SMYD3: variants seen among roughly 807,000 people sequenced by gnomAD.
SMYD3 encodes the protein histone-lysine N-methyltransferase SMYD3.
SMYD3 carries 36 observed loss-of-function variants against 57.7 expected under a neutral mutation model. The observed-to-expected ratio is 0.62, with a 90% CI of 0.48 to 0.82. The LOEUF is 0.82. Among genes scored for constraint, SMYD3 ranks in the 40% least tolerant of loss-of-function variants. SMYD3 has a pLI of 0.00. For missense variants in SMYD3, 515 were observed against 538.8 expected (o/e 0.96, Z 0.44); for synonymous variants, 211 against 195.0 (o/e 1.08, Z -0.68).
chr1:246,154,438 G>A (rs1023190990), intron 5 of SMYD3, among the ~76,000 whole-genome samples: 6 of 152,102 alleles, frequency 3.9e-5, no homozygotes, highest in Admixed American at 2.6e-4. Context: ...CCCCGCTCAC[G>A]GCACAGAAGG....
intron 10 of SMYD3, among the ~76,000 whole-genome samples, chr1:245,793,965 T>C (rs2047413370): frequency 6.6e-6 from 1 of 152,236 alleles, no homozygotes; most frequent in Non-Finnish European, 1.5e-5. Context: ...GGTGCAGTTT[T>C]CTTCTTAAGC....
intron 5 of SMYD3, among the ~76,000 whole-genome samples, chr1:246,308,283 G>A (rs1305520373): frequency 6.6e-6 from 1 of 152,140 alleles, no homozygotes; most frequent in Non-Finnish European, 1.5e-5. Context: ...AATAGAGTCA[G>A]TACAAATTTG....
chr1:245,875,010 C>T lies in SMYD3; in HGVS notation c.814-11124G>A, dbSNP rs139067020. On this transcript the variant is annotated intron_variant, in intron 8 of 11. Coordinates refer to ENST00000490107, the MANE Select transcript of SMYD3 (RefSeq NM_001167740.2). ...CTACACAAAATCACCAGGACTTAGACGCTCCTGCAAGCAGCTCTGCAGCCA... is the reference window on the plus strand; with the variant it reads ...CTACACAAAATCACCAGGACTTAGATGCTCCTGCAAGCAGCTCTGCAGCCA... 2.4e-4 allele frequency among the ~76,000 whole-genome samples: 37 copies of T among 152,314 alleles called. 1 individual carries two copies. The highest frequency in any genetic ancestry group is 6.7e-4 in the African/African-American group (28 of 41,576).
chr1:246,330,250 C>T (rs76304769), intron 4 of SMYD3, among the ~76,000 whole-genome samples: 12 of 152,314 alleles, frequency 7.9e-5, no homozygotes, highest in African/African-American at 2.9e-4. Flanking sequence ...GGTTACACTA[C>T]CCCATGTAAC....
At chr1:246,124,229 T>C (rs932889758) in intron 5 of SMYD3, among the ~76,000 whole-genome samples, 2 of 152,204 alleles carry the variant, frequency 1.3e-5, no homozygotes, top group South Asian at 2.1e-4. Flanking sequence ...TTGTCACTAA[T>C]TGGCTGTGGA....
At chr1:246,421,346 TA>T in intron 1 of SMYD3, among the ~76,000 whole-genome samples, 2 of 152,086 alleles carry the variant, frequency 1.3e-5, no homozygotes, top group South Asian at 4.1e-4. Context: ...TGTAAACCAG[TA>T]AAAGTTACCA....
intron 10 of SMYD3, among the ~76,000 whole-genome samples, chr1:245,808,826 G>A (rs977824901): frequency 3.9e-5 from 6 of 151,950 alleles, no homozygotes; most frequent in African/African-American, 7.3e-5. Context: ...GCAATGGCAC[G>A]ATCTCAGCTC....
intron 5 of SMYD3, among the ~76,000 whole-genome samples, chr1:246,070,587 G>T (rs772508794): frequency 6.6e-6 from 1 of 152,158 alleles, no homozygotes; most frequent in Non-Finnish European, 1.5e-5. Context: ...GCCCCAAGAG[G>T]AGTCCTCCTC....
At chr1:245,943,736 A>G (rs901614575) in intron 5 of SMYD3, among the ~76,000 whole-genome samples, 7 of 152,202 alleles carry the variant, frequency 4.6e-5, no homozygotes, top group Admixed American at 1.3e-4. Flanking sequence ...ATCCTCAATA[A>G]AATACTGGCA....
intron 5 of SMYD3, among the ~76,000 whole-genome samples, chr1:245,944,225 C>T (rs1261386822): frequency 1.3e-5 from 2 of 151,970 alleles, no homozygotes; most frequent in African/African-American, 4.8e-5. Context: ...TAACATGATC[C>T]TATATCTAGA....
chr1:245,749,676 G>A lies in SMYD3; in HGVS notation c.1186-12C>T. ...ATAATATCAAAAGCCTAAAGAGAAA[G>A]GACGGAAGAGAGATTAGACCCCAAA... On this transcript the variant is annotated splice_polypyrimidine_tract_variant and intron_variant, in intron 11 of 11. Transcript: ENST00000490107. The A allele has an allele frequency of 6.2e-7, 1 of 1,608,942 alleles. No homozygotes were observed. Among genetic ancestry groups the A allele is most frequent in the Non-Finnish European group, 8.5e-7 (1 of 1,175,396 alleles).
intron 5 of SMYD3, among the ~76,000 whole-genome samples, chr1:246,027,052 G>A (rs755337425): frequency 6.6e-6 from 1 of 152,208 alleles, no homozygotes; most frequent in African/African-American, 2.4e-5. Context: ...TGAGTGATCT[G>A]GACAGAAGAT....
chr1:246,166,653 T>C (rs1165827309), intron 5 of SMYD3, among the ~76,000 whole-genome samples: 2 of 152,308 alleles, frequency 1.3e-5, no homozygotes, highest in Non-Finnish European at 2.9e-5. Flanking sequence ...CTCAAGATAA[T>C]GTTTGCCTAT....
chr1:245,944,371 A>G (rs2057364147), intron 5 of SMYD3, among the ~76,000 whole-genome samples: 1 of 152,212 alleles, frequency 6.6e-6, no homozygotes, highest in Non-Finnish European at 1.5e-5. Flanking sequence ...GAGCCAAATG[A>G]TGAATAAACT....
chr1:246,321,340 C>T (rs2065244416), intron 5 of SMYD3, among the ~76,000 whole-genome samples: 1 of 152,164 alleles, frequency 6.6e-6, no homozygotes, highest in Non-Finnish European at 1.5e-5. Context: ...ATGTGTCAGA[C>T]ACTACTAAGT....
intron 8 of SMYD3, among the ~76,000 whole-genome samples, chr1:245,874,757 T>C (rs1189549957): frequency 1.3e-5 from 2 of 152,222 alleles, no homozygotes; most frequent in Non-Finnish European, 2.9e-5. Context: ...AAAAAGCCAG[T>C]GTTCCTCCAA....
intron 10 of SMYD3, among the ~76,000 whole-genome samples, chr1:245,822,231 G>C (rs1227602306): frequency 6.6e-6 from 1 of 151,822 alleles, no homozygotes; most frequent in Non-Finnish European, 1.5e-5. Context: ...AAAATGATGA[G>C]TTCATGTCCT....
rs12044975 is a variant in SMYD3, at chr1:246,430,148, T to C, written c.165-75054A>G. Reference sequence around the variant, plus strand: ...AAGTACTAAATAATCATACGAGAAATGGTAACTCCTGCCTCAAGGATATGA... The same window carrying C: ...AAGTACTAAATAATCATACGAGAAACGGTAACTCCTGCCTCAAGGATATGA... On this transcript the variant is annotated intron_variant, in intron 1 of 11. Transcript: ENST00000490107. 9.2e-3 allele frequency among the ~76,000 whole-genome samples: 923 copies of C among 100,590 alleles called. 2 individuals are homozygous for C. The highest frequency in any genetic ancestry group is 0.042 in the Middle Eastern group (4 of 96). The allele number at this position is 100,590 out of a possible 152,430, so 66.0% of individuals were successfully genotyped here.
At chr1:246,110,847 A>G (rs1380970118) in intron 5 of SMYD3, among the ~76,000 whole-genome samples, 1 of 152,110 alleles carries the variant, frequency 6.6e-6, no homozygotes, top group African/African-American at 2.4e-5. Flanking sequence ...CATGTTCCTT[A>G]CACCTACCAA....
Sources: allele counts gnomAD v4.1 joint callset (sites outside exome capture counted in the v4.1 genomes callset), GRCh38; gene constraint gnomAD v4.1.1; transcripts MANE v1.5; gene names NCBI Gene and HGNC (gene_info 2026-07-23, HGNC 2026-07-21).